The following TYW1B variants were observed in gnomAD, a reference collection of about 807,000 sequenced individuals.
The protein encoded by TYW1B is tRNA-yW synthesizing protein 1 homolog B, also known as S-adenosyl-L-methionine-dependent tRNA 4-demethylwyosine synthase TYW1B.
In TYW1B, 73 loss-of-function variants were observed where a neutral mutation model predicts 86.9. That is an observed-to-expected ratio of 0.84 (90% CI 0.70 to 1.02). The LOEUF is 1.02. Ranked by LOEUF, TYW1B falls within the 50% of genes least tolerant of loss-of-function variation. The probability of loss-of-function intolerance (pLI) is 0.00; values close to 1 mark genes in which losing one functional copy is unlikely to be tolerated. For missense variants in TYW1B, 637 were observed against 827.4 expected, an observed-to-expected ratio of 0.77 and a Z score of 2.82; for synonymous variants, 248 against 292.8, an observed-to-expected ratio of 0.85 and a Z score of 1.56.
At position 72,791,749 on chromosome 7, in the gene TYW1B, C is replaced by T. The variant is rs528939690; in HGVS notation, c.846+10651G>A. 3.5e-4 allele frequency among the ~76,000 whole-genome samples: 54 copies of T among 152,254 alleles called. No individual in the cohort carries two copies. In the South Asian group the frequency reaches 8.5e-3, roughly 24 times the overall value. ...CGAGATGGCGCCACTGCACTCTGGC[C>T]TGGGCAACAGAGAAAGACTCCGTCT... On this transcript the variant is annotated intron_variant, in intron 6 of 13. Transcript: ENST00000620995.
chr7:72,718,579 T>C (rs1347362778), intron 9 of TYW1B, among the ~76,000 whole-genome samples: 9 of 152,162 alleles, frequency 5.9e-5, no homozygotes, highest in African/African-American at 1.9e-4. Flanking sequence ...TTTATGACTA[T>C]GTAACTGCAA....
chr7:72,823,966 T>C, intron 2 of TYW1B, among the ~76,000 whole-genome samples: 1 of 152,168 alleles, frequency 6.6e-6, no homozygotes, highest in East Asian at 1.9e-4. Flanking sequence ...ATCATTTTTT[T>C]TTAAAAAGGT....
intron 11 of TYW1B, among the ~76,000 whole-genome samples, chr7:72,671,463 T>C (rs1813599965): frequency 6.6e-6 from 1 of 152,216 alleles, no homozygotes; most frequent in South Asian, 2.1e-4. Flanking sequence ...TTTCTTCACA[T>C]GAATGTATGT....
intron 9 of TYW1B, chr7:72,723,115 C>G: frequency 1.2e-6 from 1 of 842,604 alleles, no homozygotes; most frequent in Non-Finnish European, 1.7e-6. Flanking sequence ...CTCTTGCCCC[C>G]TACCCCCAGG....
chr7:72,592,160 T>TAAAAAAAAAAAAAAAAA, intron 13 of TYW1B, among the ~76,000 whole-genome samples: 1 of 103,398 alleles, frequency 9.7e-6, no homozygotes, highest in Non-Finnish European at 1.9e-5. Flanking sequence ...ACTAATGTGT[T>TAAAAAAAAAAAAAAAAA]AAAAAAAAAA....
chr7:72,798,898 A>C (rs6460033), intron 6 of TYW1B, among the ~76,000 whole-genome samples: 104,434 of 152,064 alleles, frequency 0.69, 36,789 homozygotes, highest in Non-Finnish European at 0.77. Flanking sequence ...TTCATGTTTA[A>C]ATCTCTCTGT....
chr7:72,812,561 T>G (rs535800202), intron 3 of TYW1B, among the ~76,000 whole-genome samples: 1 of 152,284 alleles, frequency 6.6e-6, no homozygotes, highest in East Asian at 1.9e-4. Context: ...TTAGAGCACA[T>G]TCAAGCTCAC....
At chr7:72,754,276 A>T (rs1787550977) in intron 7 of TYW1B, among the ~76,000 whole-genome samples, 3 of 151,678 alleles carry the variant, frequency 2.0e-5, no homozygotes, top group South Asian at 4.2e-4. Context: ...AGTGGCTGGG[A>T]CTACAGGTGC....
chr7:72,601,913 A>G (rs1337174693), intron 13 of TYW1B, among the ~76,000 whole-genome samples: 1 of 152,180 alleles, frequency 6.6e-6, no homozygotes, highest in Non-Finnish European at 1.5e-5. Flanking sequence ...AGGGACGAAA[A>G]GAGGAAGTGC....
intron 9 of TYW1B, among the ~76,000 whole-genome samples, chr7:72,715,025 G>A (rs1214288347): frequency 6.6e-6 from 1 of 152,176 alleles, no homozygotes; most frequent in Admixed American, 6.5e-5. Flanking sequence ...TCAGATGGTT[G>A]TTATGTATAG....
At chr7:72,724,697 A>T (rs1264249775) in intron 9 of TYW1B, among the ~76,000 whole-genome samples, 14 of 152,122 alleles carry the variant, frequency 9.2e-5, no homozygotes, top group South Asian at 4.1e-4. Context: ...AAATACACTG[A>T]TGTTTTCCTG....
At chr7:72,606,585 G>A (rs58867605) in intron 13 of TYW1B, among the ~76,000 whole-genome samples, 15,899 of 136,792 alleles carry the variant, frequency 0.12, 1,000 homozygotes, top group African/African-American at 0.2. Flanking sequence ...CAGGACTTCT[G>A]CCACCACCCA....
intron 10 of TYW1B, among the ~76,000 whole-genome samples, chr7:72,695,444 G>A (rs1288821602): frequency 1.3e-5 from 2 of 152,062 alleles, no homozygotes; most frequent in Admixed American, 1.3e-4. Flanking sequence ...GCACAGCCCA[G>A]AAGAAAAAAA....
chr7:72,792,525 C>T (rs1201468809), intron 6 of TYW1B, among the ~76,000 whole-genome samples: 1 of 152,160 alleles, frequency 6.6e-6, no homozygotes, highest in African/African-American at 2.4e-5. Flanking sequence ...TCTCATTTCT[C>T]TTCTACAATG....
intron 6 of TYW1B, among the ~76,000 whole-genome samples, chr7:72,798,986 G>A (rs1585992218): frequency 6.6e-6 from 1 of 151,990 alleles, no homozygotes; most frequent in African/African-American, 2.4e-5. Flanking sequence ...TGGAATTACA[G>A]GCATGCACCA....
chr7:72,698,155 A>G (rs2844225), intron 10 of TYW1B, among the ~76,000 whole-genome samples: 1 of 152,146 alleles, frequency 6.6e-6, no homozygotes, highest in Admixed American at 6.6e-5. Flanking sequence ...GGAGGAAGAG[A>G]GGAGGAGGGT....
intron 8 of TYW1B, among the ~76,000 whole-genome samples, chr7:72,734,981 G>A (rs1479919595): frequency 6.6e-6 from 1 of 152,148 alleles, no homozygotes; most frequent in Non-Finnish European, 1.5e-5. Flanking sequence ...GTGGAGAAAG[G>A]GAACTCTTAT....
At chr7:72,823,646 GAAATA>G (rs1436223630) in intron 2 of TYW1B, among the ~76,000 whole-genome samples, 3 of 151,588 alleles carry the variant, frequency 2.0e-5, no homozygotes, top group Non-Finnish European at 4.4e-5. Flanking sequence ...AAAAATAAAT[GAAATA>G]AAATAAAATA....
At chr7:72,690,190 T>C (rs1244583658) in intron 11 of TYW1B, among the ~76,000 whole-genome samples, 1 of 152,240 alleles carries the variant, frequency 6.6e-6, no homozygotes, top group Non-Finnish European at 1.5e-5. Flanking sequence ...TACTACTGGA[T>C]CTTGACCTTG....
Sources: allele counts gnomAD v4.1 joint callset (sites outside exome capture counted in the v4.1 genomes callset), GRCh38; gene constraint gnomAD v4.1.1; transcripts MANE v1.5; gene names NCBI Gene and HGNC (gene_info 2026-07-23, HGNC 2026-07-21).